Variants in TCF12 observed in about 807,000 individuals in gnomAD.
The protein encoded by TCF12 is transcription factor 12.
In TCF12, 45 loss-of-function variants were observed where a neutral mutation model predicts 86.0. That is an observed-to-expected ratio of 0.52 (90% confidence interval 0.41 to 0.67). TCF12 has a LOEUF of 0.67. Among genes scored for constraint, TCF12 ranks in the 30% least tolerant of loss-of-function variants. The probability of loss-of-function intolerance (pLI) is 0.00; values close to 1 mark genes in which losing one functional copy is unlikely to be tolerated. For missense variants in TCF12, 881 were observed against 859.9 expected (o/e 1.02, Z -0.31); for synonymous variants, 330 against 299.6 (o/e 1.10, Z -1.05).
At chr15:56,927,220 A>G (rs1374536512) in intron 3 of TCF12, among the ~76,000 whole-genome samples, 1 of 152,108 alleles carries the variant, frequency 6.6e-6, no homozygotes, top group Admixed American at 6.5e-5. Context: ...GCTAATTTGG[A>G]GATGTATGAG....
chr15:57,091,125 AATAATTGTTT>A (rs1246603537), intron 4 of TCF12, among the ~76,000 whole-genome samples: 1 of 152,168 alleles, frequency 6.6e-6, no homozygotes, highest in Non-Finnish European at 1.5e-5. Context: ...AGCTATGTTT[AATAATTGTTT>A]TACTTTTTAC....
At chr15:57,233,855 A>G (rs1187526834) in intron 11 of TCF12, among the ~76,000 whole-genome samples, 188 bp from the exon 12 acceptor site, 2 of 152,194 alleles carry the variant, frequency 1.3e-5, no homozygotes, top group Admixed American at 6.5e-5. Flanking sequence ...TTTTATTATC[A>G]TCAATATAGA....
At chr15:57,219,649 T>C in intron 8 of TCF12, 1 of 1,502,522 alleles carries the variant, frequency 6.7e-7, no homozygotes. Context: ...GCAGTATACA[T>C]TACTCGCTTT....
At chr15:57,136,958 GTTTTTTTTTTTGTTTTTTTTTTT>G (rs1322490379) in intron 5 of TCF12, among the ~76,000 whole-genome samples, 18 of 83,044 alleles carry the variant, frequency 2.2e-4, no homozygotes, top group South Asian at 1.4e-3. Context: ...GCTTCTGGCA[GTTTTTTTTTTTGTTTTTTTTTTT>G]TTTTTTTTTT....
rs566154126 is a variant in TCF12 at position 56,919,837 on chromosome 15, C to T, written c.-22-55C>T. On this transcript the variant is annotated intron_variant, in intron 1 of 20. Coordinates refer to ENST00000333725, the MANE Select transcript of TCF12 (RefSeq NM_207037.2). ...CTTCCCCAGTACCTCTCTCTGTTCC[C>T]TCACACACTTTGGGCCTCGGTGGTC... 5.8e-4 allele frequency: 882 copies of T among 1,520,150 alleles called. 5 individuals are homozygous for T. In the African/African-American group the frequency reaches 0.01, roughly 17 times the overall value. 94.2% of individuals were successfully genotyped at this position (1,520,150 alleles called of 1,614,324 possible).
chr15:56,955,201 C>A (rs184032393), intron 3 of TCF12, among the ~76,000 whole-genome samples: 1 of 152,278 alleles, frequency 6.6e-6, no homozygotes, highest in Non-Finnish European at 1.5e-5. Context: ...GACATATACA[C>A]CATGGAATAC....
At chr15:57,183,198 C>G (rs2056461393) in intron 6 of TCF12, among the ~76,000 whole-genome samples, 1 of 152,158 alleles carries the variant, frequency 6.6e-6, no homozygotes, top group South Asian at 2.1e-4. Context: ...ACAATGAACA[C>G]CCATGTGAAC....
intron 5 of TCF12, among the ~76,000 whole-genome samples, chr15:57,112,728 A>C (rs980152219): frequency 8.5e-5 from 13 of 152,178 alleles, no homozygotes; most frequent in Admixed American, 2.0e-4. Flanking sequence ...TGTGCTAAAC[A>C]CTGTGCTTAA....
chr15:56,965,216 A>G lies in TCF12; in HGVS notation c.148+44118A>G, dbSNP rs140952616. Among the ~76,000 whole-genome samples the G allele has an allele frequency of 5.6e-3, 846 of 152,302 alleles. 4 individuals are homozygous for G. The highest frequency in any genetic ancestry group is 8.5e-3 in the Non-Finnish European group (580 of 68,012). On this transcript the variant is annotated intron_variant, in intron 3 of 20. Coordinates refer to ENST00000333725, the MANE Select transcript of TCF12 (RefSeq NM_207037.2). ...CCTCATATTTGGCTTGACTGAATCT[A>G]TGTATTAATTATATTATGCTCTTCT...
chr15:57,263,732 C>T (rs186894440), intron 18 of TCF12, among the ~76,000 whole-genome samples: 1 of 152,164 alleles, frequency 6.6e-6, no homozygotes, highest in Non-Finnish European at 1.5e-5. Flanking sequence ...TTTCACAAAC[C>T]TAGCCTGTTG....
At chr15:57,240,360 G>A (rs2059560689) in intron 12 of TCF12, among the ~76,000 whole-genome samples, 1 of 152,190 alleles carries the variant, frequency 6.6e-6, no homozygotes, top group Non-Finnish European at 1.5e-5. Context: ...GAATACGAAA[G>A]AAGGAGTATG....
At chr15:57,273,586 GC>G (rs1404231410) in intron 19 of TCF12, among the ~76,000 whole-genome samples, 27 of 151,916 alleles carry the variant, frequency 1.8e-4, no homozygotes. Context: ...AAATTTCCCT[GC>G]CTGGACCTGC....
At position 56,979,627 on chromosome 15, in the gene TCF12, G is replaced by A. The variant is rs560803162; in HGVS notation, c.148+58529G>A. Among the ~76,000 whole-genome samples, 3 of 152,292 alleles carry A rather than the reference G, an allele frequency of 2.0e-5. No individual in the cohort carries two copies. The South Asian group carries it at 6.2e-4, about 32-fold the overall frequency. ...ATAGTTAAAGAAATACAGTAAGAGA[G>A]TATGTGAATCAGAAGGGGCCAATGA... On this transcript the variant is annotated intron_variant, in intron 3 of 20. Coordinates refer to ENST00000333725, the MANE Select transcript of TCF12 (RefSeq NM_207037.2).
intron 3 of TCF12, among the ~76,000 whole-genome samples, chr15:57,017,686 T>C (rs1478278853): frequency 1.3e-5 from 2 of 151,224 alleles, no homozygotes; most frequent in African/African-American, 4.8e-5. Context: ...AGTTAAACTG[T>C]AAGCAACCTC....
intron 8 of TCF12, among the ~76,000 whole-genome samples, chr15:57,221,503 G>A (rs1021921022): frequency 6.6e-6 from 1 of 151,464 alleles, no homozygotes; most frequent in Admixed American, 6.6e-5. Context: ...GGAAAGCACA[G>A]GTTACTGTAT....
rs112231076 is a variant in TCF12, at chr15:57,234,040, C to T, written c.971-3C>T. 2.4e-5 allele frequency: 39 copies of T among 1,612,604 alleles called. 1 individual carries two copies. The African/African-American group carries it at 3.2e-4, about 13-fold the overall frequency. ...TTGATTTATTTCTCTATGAAATATC[C>T]AGGAACCAGAGGGAATGCTGCTGGA... On this transcript the variant is annotated splice_polypyrimidine_tract_variant and splice_region_variant and intron_variant, in intron 11 of 20. Transcript: ENST00000333725.
At chr15:57,090,438 A>G (rs1385429716) in intron 4 of TCF12, among the ~76,000 whole-genome samples, 4 of 152,360 alleles carry the variant, frequency 2.6e-5, no homozygotes, top group Non-Finnish European at 4.4e-5. Flanking sequence ...TGAAGTATGT[A>G]AAAATGAAAC....
rs183005703 is a variant in TCF12, at chr15:57,178,780, A to G, written c.390+12314A>G. On this transcript the variant is annotated intron_variant, in intron 6 of 20. Coordinates refer to ENST00000333725, the MANE Select transcript of TCF12 (RefSeq NM_207037.2). ...GAGTATGCTCACTACTAACCTCACAAGACTGCCTTCAAAAAATCCCCTATA... is the reference window on the plus strand; with the variant it reads ...GAGTATGCTCACTACTAACCTCACAGGACTGCCTTCAAAAAATCCCCTATA... Among the ~76,000 whole-genome samples, 11 of 152,366 alleles carry G rather than the reference A, an allele frequency of 7.2e-5. No individual in the cohort carries two copies. In the East Asian group the frequency reaches 1.9e-3, roughly 27 times the overall value.
At chr15:56,940,481 C>CTT (rs1567135944) in intron 3 of TCF12, among the ~76,000 whole-genome samples, 9 of 129,672 alleles carry the variant, frequency 6.9e-5, no homozygotes, top group Admixed American at 9.5e-5. Flanking sequence ...TTCTTCTTCT[C>CTT]CTCCTCCTCC....
Sources: allele counts gnomAD v4.1 joint callset (sites outside exome capture counted in the v4.1 genomes callset), GRCh38; gene constraint gnomAD v4.1.1; transcripts MANE v1.5; gene names NCBI Gene and HGNC (gene_info 2026-07-23, HGNC 2026-07-21).